TPP2: variants seen among roughly 807,000 people sequenced by gnomAD.
The protein encoded by TPP2 is tripeptidyl-peptidase 2.
A neutral mutation model predicts 155.9 loss-of-function variants in TPP2; 34 were observed. The ratio of observed to expected loss-of-function variants is 0.22; its 90% CI spans 0.17 to 0.29. The LOEUF is 0.29. Among genes scored for constraint, TPP2 ranks in the 10% least tolerant of loss-of-function variants. TPP2 has a pLI of 1.00. For synonymous variants in TPP2, 510 were observed against 529.4 expected, an observed-to-expected ratio of 0.96 and a Z score of 0.50; for missense variants, 1,028 against 1,522.3, an observed-to-expected ratio of 0.68 and a Z score of 5.40.
At position 102,642,072 on chromosome 13, in the gene TPP2, G is replaced by A. The variant is rs79074364; in HGVS notation, c.2021-1150G>A. Among the ~76,000 whole-genome samples, 262 of 152,326 alleles carry A rather than the reference G, an allele frequency of 1.7e-3. 3 individuals are homozygous for A. The East Asian group carries it at 0.038, about 22-fold the overall frequency. ...ATCCACACTCTGCCATACGCTAATG[G>A]TTACCTGGGGGCAGGTTTCTAAATT... On this transcript the variant is annotated intron_variant, in intron 16 of 29. Coordinates refer to ENST00000376052, the MANE Select transcript of TPP2 (RefSeq NM_001330588.2).
intron 10 of TPP2, among the ~76,000 whole-genome samples, chr13:102,630,494 T>C (rs904652360): frequency 2.6e-5 from 4 of 152,204 alleles, no homozygotes; most frequent in African/African-American, 9.7e-5. Context: ...CTTTATATAG[T>C]AGTGATGGCC....
At chr13:102,673,057 G>A (rs1449030623) in intron 27 of TPP2, among the ~76,000 whole-genome samples, 1 of 152,172 alleles carries the variant, frequency 6.6e-6, no homozygotes, top group Admixed American at 6.5e-5. Context: ...CCACTTTCAA[G>A]GTACAGGATC....
At chr13:102,661,727 T>C (rs1331007556) in intron 25 of TPP2, among the ~76,000 whole-genome samples, 1 of 152,080 alleles carries the variant, frequency 6.6e-6, no homozygotes, top group Non-Finnish European at 1.5e-5. Flanking sequence ...CACAATGAAA[T>C]ACAACTTCAC....
rs987672155 is a variant in TPP2, at chr13:102,651,361, G to A, written c.2955G>A (p.Gly985=). 2 of 1,582,256 alleles carry A rather than the reference G, an allele frequency of 1.3e-6. No homozygotes were observed. The highest frequency in any genetic ancestry group is 2.3e-5 in the East Asian group (1 of 43,840). ...CAGAATGTCGTTCTAACTCCCAGGG[G>A]CAGTCTGCAGCAAAACGACAAGGAA... The part of the protein sequence containing the change: ...LSKTELGKKA[G]QSAAKRQGKF... Residue 985 remains glycine, a splice_region_variant and synonymous_variant, in exon 24 of 30, where the codon GGG becomes GGA. Coordinates refer to ENST00000376052, the MANE Select transcript of TPP2 (RefSeq NM_001330588.2).
At chr13:102,646,032 A>G (rs973436938) in intron 19 of TPP2, among the ~76,000 whole-genome samples, 1 of 152,228 alleles carries the variant, frequency 6.6e-6, no homozygotes, top group African/African-American at 2.4e-5. Flanking sequence ...CTGTTTGTTC[A>G]CATTTGAAAA....
chr13:102,655,210 A>C (rs1883775881), intron 24 of TPP2, among the ~76,000 whole-genome samples: 1 of 152,158 alleles, frequency 6.6e-6, no homozygotes, highest in African/African-American at 2.4e-5. Flanking sequence ...CTGTTACATC[A>C]TTTTATACCC....
rs17507043 is a variant in TPP2 at position 102,623,145 on chromosome 13, C to T, written c.784+105C>T. On this transcript the variant is annotated intron_variant, in intron 6 of 29. Coordinates refer to ENST00000376052, the MANE Select transcript of TPP2 (RefSeq NM_001330588.2). The stretch of plus-strand genomic sequence containing the variant: ...TTCTAGAGAATTTTAAGCTAGAGAT[C>T]GTAGCTAAAGGACTAGGTCCAGAAT... 0.27 allele frequency: 330,356 copies of T among 1,244,970 alleles called. 46,847 individuals carry two copies. Among genetic ancestry groups the T allele is most frequent in the Non-Finnish European group, 0.29 (265,896 of 906,578 alleles). 77.1% of individuals were successfully genotyped at this position (1,244,970 alleles called of 1,614,324 possible).
chr13:102,663,133 T>TA (rs67826260), intron 25 of TPP2, among the ~76,000 whole-genome samples: 402 of 40,632 alleles, frequency 9.9e-3, no homozygotes, highest in African/African-American at 0.029. Flanking sequence ...TTTATTTATT[T>TA]TTTTTAATTA....
chr13:102,668,145 G>T (rs1884731417), intron 27 of TPP2, among the ~76,000 whole-genome samples: 1 of 152,170 alleles, frequency 6.6e-6, no homozygotes, highest in African/African-American at 2.4e-5. Context: ...GGTTTTTGGA[G>T]ACAGGAGTAA....
chr13:102,611,504 C>T (rs1392377728), intron 2 of TPP2, among the ~76,000 whole-genome samples: 1 of 152,024 alleles, frequency 6.6e-6, no homozygotes, highest in Non-Finnish European at 1.5e-5. Context: ...GTCGAAACCC[C>T]CTCTCTGCTA....
chr13:102,650,067 T>C (rs1233071797), intron 23 of TPP2, among the ~76,000 whole-genome samples: 1 of 152,122 alleles, frequency 6.6e-6, no homozygotes, highest in African/African-American at 2.4e-5. Flanking sequence ...TTTTTAGAAA[T>C]ATGTTTCTGG....
At chr13:102,618,659 A>G in intron 4 of TPP2, 63 bp from the exon 5 acceptor site, 1 of 1,573,194 alleles carries the variant, frequency 6.4e-7, no homozygotes. Flanking sequence ...CTTTGGCTGT[A>G]TGTTAATACA....
intron 2 of TPP2, among the ~76,000 whole-genome samples, chr13:102,605,192 GAGA>G (rs142474005): frequency 0.038 from 5,825 of 152,300 alleles, 163 homozygotes; most frequent in Non-Finnish European, 0.055. Flanking sequence ...CTCAGCTTGG[GAGA>G]AGAAGGGGAA....
At chr13:102,614,835 A>G (rs1050647625) in intron 3 of TPP2, among the ~76,000 whole-genome samples, 16 of 152,222 alleles carry the variant, frequency 1.1e-4, no homozygotes, top group African/African-American at 3.9e-4. Flanking sequence ...GTCACTAGCC[A>G]TGTTGCTATT....
intron 24 of TPP2, among the ~76,000 whole-genome samples, chr13:102,653,770 G>A (rs1361863833): frequency 6.6e-6 from 1 of 152,134 alleles, no homozygotes; most frequent in African/African-American, 2.4e-5. Flanking sequence ...TTTATGTGAA[G>A]CTTTTAAATT....
intron 5 of TPP2, 119 bp from the exon 6 acceptor site, chr13:102,622,758 A>G: frequency 1.8e-6 from 2 of 1,137,982 alleles, no homozygotes; most frequent in South Asian, 3.3e-5. Flanking sequence ...CAGTCATTAT[A>G]TTTATATTTG....
At chr13:102,650,160 T>C (rs1379410624) in intron 23 of TPP2, among the ~76,000 whole-genome samples, 1 of 152,156 alleles carries the variant, frequency 6.6e-6, no homozygotes, top group African/African-American at 2.4e-5. Context: ...TCATTACAAA[T>C]TTATTATGAG....
At chr13:102,622,435 T>A (rs893192380) in intron 5 of TPP2, among the ~76,000 whole-genome samples, 1 of 152,232 alleles carries the variant, frequency 6.6e-6, no homozygotes, top group Non-Finnish European at 1.5e-5. Flanking sequence ...AAGTCTGTTA[T>A]AACTATAGGA....
Position 102,651,448 on chromosome 13 carries a change from T to A in TPP2, c.2991+51T>A, listed in dbSNP as rs1883482446. 1.9e-6 allele frequency: 3 copies of A among 1,541,268 alleles called. No individual in the cohort carries two copies. In the Admixed American group the frequency reaches 6.0e-5, roughly 31 times the overall value. ...GATGTCTTAAAGCCTTATTTGCATA[T>A]TAAACTTTTTTCTGTCACTATTATA... is the stretch of plus-strand genomic sequence containing the variant. On this transcript the variant is annotated intron_variant, in intron 24 of 29. Transcript: ENST00000376052.
Sources: allele counts gnomAD v4.1 joint callset (sites outside exome capture counted in the v4.1 genomes callset), GRCh38; gene constraint gnomAD v4.1.1; transcripts MANE v1.5; gene names NCBI Gene and HGNC (gene_info 2026-07-23, HGNC 2026-07-21).